Variants in LUZP2 observed in about 807,000 individuals in gnomAD.
The protein encoded by LUZP2 is leucine zipper protein 2.
In LUZP2, 52 loss-of-function variants were observed where a neutral mutation model predicts 51.6. The ratio of observed to expected loss-of-function variants is 1.01; its 90% confidence interval spans 0.81 to 1.27. The LOEUF (loss-of-function observed/expected upper bound fraction) is 1.27, where lower values mean the gene tolerates loss of function less well. Ranked by LOEUF, LUZP2 falls within the 50% of genes most tolerant of loss-of-function variation. The pLI, the probability that LUZP2 is intolerant of heterozygous loss-of-function variation, is 0.00. For missense variants in LUZP2, 436 were observed against 395.4 expected, an observed-to-expected ratio of 1.10 and a Z score of -0.87; for synonymous variants, 154 against 137.3, an observed-to-expected ratio of 1.12 and a Z score of -0.85.
At chr11:24,946,331 T>C (rs554112018) in intron 7 of LUZP2, among the ~76,000 whole-genome samples, 1 of 152,142 alleles carries the variant, frequency 6.6e-6, no homozygotes, top group Admixed American at 6.6e-5. Flanking sequence ...CCCATTCATA[T>C]TTGATGCAAT....
intron 1 of LUZP2, among the ~76,000 whole-genome samples, chr11:24,596,837 A>G (rs576889834): frequency 3.3e-5 from 5 of 152,310 alleles, no homozygotes; most frequent in Admixed American, 1.3e-4. Flanking sequence ...ATAATCTGCT[A>G]TTGATTGCTA....
At chr11:24,894,321 C>T (rs1475767315) in intron 5 of LUZP2, among the ~76,000 whole-genome samples, 2 of 151,786 alleles carry the variant, frequency 1.3e-5, no homozygotes, top group Admixed American at 1.3e-4. Context: ...CTTACAGGTG[C>T]CTGCCACCAC....
chr11:24,756,246 A>G (rs12803108), intron 4 of LUZP2, among the ~76,000 whole-genome samples: 18,363 of 152,132 alleles, frequency 0.12, 1,264 homozygotes, highest in Non-Finnish European at 0.14. Flanking sequence ...TTAATTCCAC[A>G]TGTCTTCCTA....
intron 1 of LUZP2, among the ~76,000 whole-genome samples, chr11:24,553,430 G>T (rs911409885): frequency 6.6e-6 from 1 of 151,924 alleles, no homozygotes; most frequent in African/African-American, 2.4e-5. Flanking sequence ...TGAAAAAAAG[G>T]CTAAAGCAAT....
Position 24,532,752 on chromosome 11 carries a change from C to G in LUZP2, c.62+35447C>G, listed in dbSNP as rs552916105. ...AGTTTCAAGATGAATAATAGAGGAC[C>G]TGACTCTGTTCTAGAAGTTAAAATA... On this transcript the variant is annotated intron_variant, in intron 1 of 11. Transcript: ENST00000336930. 3.3e-5 allele frequency among the ~76,000 whole-genome samples: 5 copies of G among 150,998 alleles called. No homozygotes were observed. In the East Asian group the frequency reaches 9.7e-4, roughly 29 times the overall value.
At chr11:24,926,156 T>G (rs192723234) in intron 7 of LUZP2, among the ~76,000 whole-genome samples, 123 of 150,924 alleles carry the variant, frequency 8.1e-4, no homozygotes, top group Non-Finnish European at 5.9e-5. Context: ...GGCCCATAAA[T>G]CAATAAGTGC....
chr11:24,728,205 T>G (rs1240410824), intron 1 of LUZP2, among the ~76,000 whole-genome samples: 1 of 152,006 alleles, frequency 6.6e-6, no homozygotes, highest in Non-Finnish European at 1.5e-5. Context: ...GACTTCCCTC[T>G]CAGTGAAGGG....
chr11:24,556,482 A>G (rs931097921), intron 1 of LUZP2, among the ~76,000 whole-genome samples: 1 of 152,170 alleles, frequency 6.6e-6, no homozygotes, highest in African/African-American at 2.4e-5. Flanking sequence ...GAGATTTAGA[A>G]AAAGGAGAAA....
At chr11:24,673,316 G>A (rs1856455606) in intron 1 of LUZP2, among the ~76,000 whole-genome samples, 1 of 152,082 alleles carries the variant, frequency 6.6e-6, no homozygotes, top group Admixed American at 6.6e-5. Flanking sequence ...AATGTCATGT[G>A]GTACACGACT....
chr11:24,700,056 CT>C (rs762849302), intron 1 of LUZP2, among the ~76,000 whole-genome samples: 15,416 of 95,682 alleles, frequency 0.16, 324 homozygotes, highest in East Asian at 0.24. Flanking sequence ...TTTTCCTCAA[CT>C]TTTTTTTTTT....
intron 1 of LUZP2, among the ~76,000 whole-genome samples, chr11:24,648,850 G>T (rs1855541773): frequency 6.6e-6 from 1 of 151,912 alleles, no homozygotes; most frequent in African/African-American, 2.4e-5. Flanking sequence ...TGCAGTTTTT[G>T]CTATTAAAAG....
chr11:24,774,362 C>CTCTCTCTCTCTCTCTCTCTCTATA (rs776739280), intron 5 of LUZP2, among the ~76,000 whole-genome samples: 14 of 76,334 alleles, frequency 1.8e-4, no homozygotes, highest in East Asian at 9.7e-4. Flanking sequence ...CTCTCTCTCT[C>CTCTCTCTCTCTCTCTCTCTCTATA]TATATATATA....
chr11:24,884,218 T>C (rs2134303590), intron 5 of LUZP2, among the ~76,000 whole-genome samples: 1 of 152,150 alleles, frequency 6.6e-6, no homozygotes. Context: ...GAAAGTTACA[T>C]GCATCTGGGA....
intron 1 of LUZP2, among the ~76,000 whole-genome samples, chr11:24,699,007 T>C (rs1857336354): frequency 6.6e-6 from 1 of 151,542 alleles, no homozygotes; most frequent in Non-Finnish European, 1.5e-5. Flanking sequence ...CAATGAGCAG[T>C]GATTGCCCCA....
Position 25,077,342 on chromosome 11 carries a change from G to A in LUZP2, c.872G>A (p.Cys291Tyr). ...CTACTTTTGTAGGAGGGCAGACCGT[G>A]TTCCATGAAGCACAAAGAAAGTCCC... ...ACDSQDEGRP[C>Y]SMKHKESPPS... The change falls in exon 11 of 12, where the codon TGT (cysteine) becomes TAT (tyrosine). Residue 291 changes from cysteine to tyrosine, a missense_variant. Coordinates refer to ENST00000336930, the MANE Select transcript of LUZP2 (RefSeq NM_001009909.4). 1 of 1,612,376 alleles carries A rather than the reference G, an allele frequency of 6.2e-7. No individual in the cohort carries two copies. The highest frequency in any genetic ancestry group is 8.5e-7 in the Non-Finnish European group (1 of 1,178,788).
At chr11:24,876,136 T>C (rs1248989212) in intron 5 of LUZP2, among the ~76,000 whole-genome samples, 1 of 151,242 alleles carries the variant, frequency 6.6e-6, no homozygotes, top group Non-Finnish European at 1.5e-5. Context: ...TTTTGGCTTT[T>C]GTTGCTTTTG....
At chr11:24,593,962 C>T (rs1298700977) in intron 1 of LUZP2, among the ~76,000 whole-genome samples, 1 of 152,256 alleles carries the variant, frequency 6.6e-6, no homozygotes, top group East Asian at 1.9e-4. Flanking sequence ...TTCCGGAGGG[C>T]AGGATTTAAA....
chr11:24,998,794 A>T (rs1442867799), intron 9 of LUZP2, among the ~76,000 whole-genome samples: 1 of 152,158 alleles, frequency 6.6e-6, no homozygotes, highest in Non-Finnish European at 1.5e-5. Context: ...AATCTTGATG[A>T]TAAAAGACTC....
chr11:25,073,721 CTA>C (rs888550040), intron 10 of LUZP2, among the ~76,000 whole-genome samples: 12 of 151,900 alleles, frequency 7.9e-5, no homozygotes, highest in South Asian at 2.1e-4. Flanking sequence ...TCTTATTTTT[CTA>C]TGTTTGGTAA....
Sources: gnomAD v4.1 joint callset for allele counts (sites outside exome capture counted in the v4.1 genomes callset) on GRCh38, gnomAD v4.1.1 for gene constraint, MANE v1.5 for transcripts, NCBI Gene and HGNC (gene_info 2026-07-23, HGNC 2026-07-21) for gene names.